Variants in ATL3 observed in about 807,000 individuals in gnomAD.
ATL3 encodes the protein atlastin-3.
ATL3 carries 49 observed loss-of-function variants against 69.5 expected under a neutral mutation model. The ratio of observed to expected loss-of-function variants is 0.71; its 90% CI spans 0.56 to 0.89. ATL3 has a LOEUF of 0.89. ATL3 is among the 40% of genes least tolerant of loss of function. The pLI is 0.00. For missense variants in ATL3, 606 were observed against 645.7 expected, an observed-to-expected ratio of 0.94 and a Z score of 0.67; for synonymous variants, 214 against 224.1, an observed-to-expected ratio of 0.95 and a Z score of 0.40.
rs368184260 is a variant in ATL3 at position 63,626,860 on chromosome 11, T to C, written c.*2459A>G. 9.2e-5 allele frequency: 14 copies of C among 152,248 alleles called. No individual in the cohort carries two copies. Among genetic ancestry groups the C allele is most frequent in the African/African-American group, 3.1e-4 (13 of 41,532 alleles). The allele number at this position is 152,248 out of a possible 1,614,324, so 9.4% of individuals were successfully genotyped here. A position where few individuals can be genotyped will look rare whatever the true frequency, so the allele number is the denominator to read the frequency against. On this transcript the variant is annotated 3_prime_UTR_variant, in exon 13 of 13. Coordinates refer to ENST00000398868, the MANE Select transcript of ATL3 (RefSeq NM_015459.5). ...CTGATATAAAATCATCAATTTACTG[T>C]TGAGAGAAAAGAGGCCAAAGAAAAC...
upstream of ATL3, chr11:63,671,655 T>C (rs1411044523): frequency 1.4e-6 from 2 of 1,393,920 alleles, no homozygotes; most frequent in Admixed American, 2.3e-5. Flanking sequence ...GGGCGCTGAG[T>C]GCTACCGTCC....
chr11:63,657,350 G>A (rs1163385493), intron 3 of ATL3, among the ~76,000 whole-genome samples: 2 of 152,152 alleles, frequency 1.3e-5, no homozygotes, highest in Admixed American at 6.6e-5. Context: ...CTGTGGAGAG[G>A]CTCTATGCCC....
rs758580761 is a variant in ATL3, at chr11:63,629,254, C to T, written c.*65G>A. 1.5e-4 allele frequency: 203 copies of T among 1,330,072 alleles called. No homozygotes were observed. The highest frequency in any genetic ancestry group is 2.2e-4 in the African/African-American group (15 of 69,320). 82.4% of individuals were successfully genotyped at this position (1,330,072 alleles called of 1,614,324 possible). ...ATTCCTCTGGATATGAACCTGTGGC[C>T]GTGGCAGAAACCCAGAAATCAGTAG... On this transcript the variant is annotated 3_prime_UTR_variant, in exon 13 of 13. Coordinates refer to ENST00000398868, the MANE Select transcript of ATL3 (RefSeq NM_015459.5).
At chr11:63,664,149 A>T (rs774209198) in intron 1 of ATL3, among the ~76,000 whole-genome samples, 14 of 152,264 alleles carry the variant, frequency 9.2e-5, no homozygotes, top group Non-Finnish European at 2.1e-4. Flanking sequence ...CATCAAATAC[A>T]GCCAAGCCTA....
At chr11:63,667,496 T>C (rs1218937413) in intron 1 of ATL3, among the ~76,000 whole-genome samples, 1 of 152,026 alleles carries the variant, frequency 6.6e-6, no homozygotes, top group Non-Finnish European at 1.5e-5. Context: ...GTGCAATGGC[T>C]CACGCCTGTA....
intron 6 of ATL3, 104 bp from the exon 7 acceptor site, chr11:63,644,365 A>T (rs1178644174): frequency 1.5e-6 from 1 of 659,000 alleles, no homozygotes; most frequent in Non-Finnish European, 2.6e-6. Context: ...CAAAGGGGGT[A>T]AAGTAGAAGG....
intron 1 of ATL3, among the ~76,000 whole-genome samples, chr11:63,662,736 C>T (rs1940458727): frequency 6.6e-6 from 1 of 152,192 alleles, no homozygotes; most frequent in Non-Finnish European, 1.5e-5. Context: ...GTCTCAACCT[C>T]CCAAAGTGTT....
intron 1 of ATL3, among the ~76,000 whole-genome samples, chr11:63,664,305 G>A (rs140892033): frequency 3.9e-5 from 6 of 152,240 alleles, no homozygotes; most frequent in South Asian, 2.1e-4. Context: ...TTGGGAGGCC[G>A]AGGCAGGCAG....
Position 63,626,598 on chromosome 11 carries a change from AGCCT to A in ATL3, c.*2717_*2720del. 6.6e-6 allele frequency: 1 copy of A among 152,212 alleles called. No individual in the cohort carries two copies. The highest frequency in any genetic ancestry group is 1.9e-4 in the East Asian group (1 of 5,206). 9.4% of individuals were successfully genotyped at this position (152,212 alleles called of 1,614,324 possible). A position where few individuals can be genotyped will look rare whatever the true frequency, so the allele number is the denominator to read the frequency against. On this transcript the variant is annotated 3_prime_UTR_variant, in exon 13 of 13. Coordinates refer to ENST00000398868, the MANE Select transcript of ATL3 (RefSeq NM_015459.5). The stretch of plus-strand genomic sequence containing the variant: ...AAATATTTTAATAGAAAATTTTGGA[AGCCT>A]CCTTTTATATATTCATAGGAATGAG...
chr11:63,626,953 A>G lies in ATL3; in HGVS notation c.*2366T>C, dbSNP rs2134453429. On this transcript the variant is annotated 3_prime_UTR_variant, in exon 13 of 13. Coordinates refer to ENST00000398868, the MANE Select transcript of ATL3 (RefSeq NM_015459.5). Reference sequence around the variant, plus strand: ...AGAAGCAGAACTAAGAAAAAAAAAAAATGGTGAAGAGGACTTCCTCTGGAT... The same window carrying G: ...AGAAGCAGAACTAAGAAAAAAAAAAGATGGTGAAGAGGACTTCCTCTGGAT... 6.6e-6 allele frequency: 1 copy of G among 152,310 alleles called. No homozygotes were observed. The highest frequency in any genetic ancestry group is 1.9e-4 in the East Asian group (1 of 5,190). The allele number at this position is 152,310 out of a possible 1,614,324, so 9.4% of individuals were successfully genotyped here.
chr11:63,660,658 T>A (rs1430006277), intron 1 of ATL3, among the ~76,000 whole-genome samples: 1 of 152,096 alleles, frequency 6.6e-6, no homozygotes, highest in East Asian at 1.9e-4. Context: ...TAGTCCCAGC[T>A]ACTTGGAGAG....
intron 1 of ATL3, among the ~76,000 whole-genome samples, chr11:63,669,893 A>T (rs1225888035): frequency 6.6e-6 from 1 of 152,118 alleles, no homozygotes; most frequent in African/African-American, 2.4e-5. Flanking sequence ...GGGTGCAGTG[A>T]GCCGAGACTG....
At chr11:63,670,140 T>C (rs982395288) in intron 1 of ATL3, among the ~76,000 whole-genome samples, 2 of 152,082 alleles carry the variant, frequency 1.3e-5, no homozygotes, top group Non-Finnish European at 2.9e-5. Context: ...GCTGGACTAC[T>C]GCAATACTGA....
chr11:63,659,249 T>C lies in ATL3; in HGVS notation c.50A>G (p.Asp17Gly). 1.2e-6 allele frequency: 2 copies of C among 1,613,478 alleles called. No homozygotes were observed. Among genetic ancestry groups the C allele is most frequent in the Non-Finnish European group, 8.5e-7 (1 of 1,179,518 alleles). The change falls in exon 2 of 13, where the codon GAT becomes GGT. Residue 17 changes from aspartate (D) to glycine (G), a missense_variant. By Grantham distance (94) the Asp-to-Gly change is moderately conservative. Transcript: ENST00000398868. ...ACCAGGCTTGCTGCTCTCCATGGCA[T>C]CATCTATGTTCATGCAGAGAAAAAA... is the stretch of plus-strand genomic sequence containing the variant. The part of the protein sequence containing the change: ...VAAAASRGAD[D>G]AMESSKPGPV...
In ATL3 at chr11:63,635,524, C is replaced by A. The variant is rs199945115; in HGVS notation, c.1035+10G>T. On this transcript the variant is annotated intron_variant, in intron 10 of 12. Transcript: ENST00000398868. The stretch of plus-strand genomic sequence containing the variant: ...AAGGGTAGCGTTTAGGATGTCAAAT[C>A]ATTGTTTACCTGAAGCATGGACTTG... 6.2e-7 allele frequency: 1 copy of A among 1,609,506 alleles called. No individual in the cohort carries two copies. The highest frequency in any genetic ancestry group is 1.3e-5 in the African/African-American group (1 of 74,920).
chr11:63,639,320 G>A (rs1358683117), intron 8 of ATL3, among the ~76,000 whole-genome samples: 2 of 152,204 alleles, frequency 1.3e-5, no homozygotes, highest in Non-Finnish European at 2.9e-5. Flanking sequence ...AACCTTTGCA[G>A]AGCTAGTAAG....
chr11:63,671,809 G>C, upstream of ATL3: 5 of 1,078,004 alleles, frequency 4.6e-6, no homozygotes, highest in Non-Finnish European at 5.8e-6. Context: ...GGGCTGGCTC[G>C]GGTCCTCCTG....
At chr11:63,658,119 G>C (rs1940314231) in intron 3 of ATL3, among the ~76,000 whole-genome samples, 1 of 152,168 alleles carries the variant, frequency 6.6e-6, no homozygotes, top group Non-Finnish European at 1.5e-5. Flanking sequence ...GCCTCCCAAA[G>C]TGTTGGTATT....
At chr11:63,665,628 C>CTAT (rs1196544291) in intron 1 of ATL3, among the ~76,000 whole-genome samples, 1 of 152,088 alleles carries the variant, frequency 6.6e-6, no homozygotes, top group Non-Finnish European at 1.5e-5. Context: ...GAGGTCTCGC[C>CTAT]TATAATCCTA....
Sources: gnomAD v4.1 joint callset for allele counts (sites outside exome capture counted in the v4.1 genomes callset) on GRCh38, gnomAD v4.1.1 for gene constraint, MANE v1.5 for transcripts, NCBI Gene and HGNC (gene_info 2026-07-23, HGNC 2026-07-21) for gene names.